Variants in CLUAP1 observed in about 807,000 individuals in gnomAD.
CLUAP1 encodes clusterin-associated protein 1.
In CLUAP1, 50 loss-of-function variants were observed where a neutral mutation model predicts 55.0. The ratio of observed to expected loss-of-function variants is 0.91; its 90% CI spans 0.72 to 1.15. The LOEUF is 1.15. Ranked by LOEUF, CLUAP1 falls within the 50% of genes most tolerant of loss-of-function variation. The pLI is 0.00. For missense variants in CLUAP1, 530 were observed against 507.6 expected (o/e 1.04, Z -0.42); for synonymous variants, 195 against 175.4 (o/e 1.11, Z -0.88).
At chr16:3,500,907 G>A (rs1345928864), upstream of CLUAP1, 2 of 739,760 alleles carry the variant, frequency 2.7e-6, no homozygotes, top group African/African-American at 3.5e-5. Context: ...CTCTCCCCGT[G>A]CGTATGCACG....
rs955867746 is a variant in CLUAP1 at position 3,538,336 on chromosome 16, A to G, written c.*2065A>G. The G allele has an allele frequency of 6.6e-6, 1 of 150,854 alleles. No homozygotes were observed. The highest frequency in any genetic ancestry group is 1.5e-5 in the Non-Finnish European group (1 of 67,794). The allele number at this position is 150,854 out of a possible 1,614,324, so 9.3% of individuals were successfully genotyped here. A position where few individuals can be genotyped will look rare whatever the true frequency, so the allele number is the denominator to read the frequency against. On this transcript the variant is annotated 3_prime_UTR_variant, in exon 12 of 12. Coordinates refer to ENST00000576634, the MANE Select transcript of CLUAP1 (RefSeq NM_015041.3). ...TACCCCTAAAAAAAAAAAAACAGCC[A>G]GTATTCAGTGAATTCACCAGTAATT...
intron 3 of CLUAP1, among the ~76,000 whole-genome samples, chr16:3,507,284 T>G (rs1463928902): frequency 6.6e-6 from 1 of 151,284 alleles, no homozygotes; most frequent in Non-Finnish European, 1.5e-5. Flanking sequence ...TGGGCGTGGT[T>G]GTTCATGCCT....
chr16:3,515,173 T>C (rs1370818177), intron 5 of CLUAP1, among the ~76,000 whole-genome samples: 1 of 150,264 alleles, frequency 6.7e-6, no homozygotes, highest in Non-Finnish European at 1.5e-5. Context: ...TTGAGCAACA[T>C]AGTGAGACCC....
intron 11 of CLUAP1, chr16:3,534,522 GCTGATGATCC>G (rs1429409052): frequency 1.3e-5 from 2 of 152,442 alleles, no homozygotes; most frequent in African/African-American, 4.8e-5. Context: ...AGGGTCAAGA[GCTGATGATCC>G]CTGTTTGAGA....
In CLUAP1 at chr16:3,529,616, ATATTATATATTATATATTAT is replaced by A. The variant is rs1417905633; in HGVS notation, c.929-948_929-929del. On this transcript the variant is annotated intron_variant, in intron 9 of 11. Transcript: ENST00000576634. ...ATTATTATATATTATATATTATATA[ATATTATATATTATATATTAT>A]TATATATTATATATTATTATATATT... Among the ~76,000 whole-genome samples the A allele has an allele frequency of 0.011, 203 of 17,768 alleles. 12 individuals carry two copies. In the East Asian group the frequency reaches 0.15, roughly 13 times the overall value. 11.7% of individuals were successfully genotyped at this position (17,768 alleles called of 152,430 possible).
At chr16:3,518,918 G>A (rs774857015) in intron 6 of CLUAP1, among the ~76,000 whole-genome samples, 1 of 152,136 alleles carries the variant, frequency 6.6e-6, no homozygotes, top group African/African-American at 2.4e-5. Context: ...TAACCCCTTC[G>A]TGGGATGCTA....
intron 5 of CLUAP1, among the ~76,000 whole-genome samples, chr16:3,515,058 C>G (rs1298841004): frequency 2.0e-5 from 3 of 152,018 alleles, no homozygotes; most frequent in Admixed American, 6.6e-5. Flanking sequence ...GTCACCTGGA[C>G]AGAATGCAGG....
chr16:3,508,566 C>T, intron 4 of CLUAP1, 98 bp downstream of exon 4: 1 of 1,157,920 alleles, frequency 8.6e-7, no homozygotes, highest in Non-Finnish European at 1.2e-6. Flanking sequence ...TTTTCTTCCT[C>T]CTCAGCTGAG....
chr16:3,497,863 C>T (rs1276097866), upstream of CLUAP1, among the ~76,000 whole-genome samples: 3 of 151,496 alleles, frequency 2.0e-5, no homozygotes, highest in Non-Finnish European at 4.4e-5. Context: ...ACCATGTTGC[C>T]CAGAGCTAGT....
chr16:3,515,195 A>T (rs911341839), intron 5 of CLUAP1, among the ~76,000 whole-genome samples: 1 of 131,570 alleles, frequency 7.6e-6, no homozygotes, highest in African/African-American at 3.3e-5. Context: ...ATCTCTATTT[A>T]AAAAAAAAAA....
At chr16:3,535,865 C>T (rs2038220669) in intron 11 of CLUAP1, 2 of 477,178 alleles carry the variant, frequency 4.2e-6, no homozygotes, top group Admixed American at 3.7e-5. Flanking sequence ...TTCTTAGACG[C>T]TGCGGGAAAG....
In CLUAP1 at chr16:3,515,180, A is replaced by T. The variant is rs936784005; in HGVS notation, c.496-328A>T. On this transcript the variant is annotated intron_variant, in intron 5 of 11. Transcript: ENST00000576634. The stretch of plus-strand genomic sequence containing the variant: ...CTAGGAGTTTGAGCAACATAGTGAG[A>T]CCCTATCTCTATTTAAAAAAAAAAA... Among the ~76,000 whole-genome samples the T allele has an allele frequency of 5.6e-4, 85 of 151,340 alleles. 1 individual carries two copies. The highest frequency in any genetic ancestry group is 8.2e-4 in the Non-Finnish European group (56 of 67,936).
chr16:3,501,127 C>T, intron 1 of CLUAP1, 38 bp downstream of exon 1: 3 of 1,568,138 alleles, frequency 1.9e-6, no homozygotes, highest in Non-Finnish European at 2.6e-6. Context: ...TGCGGGTCTT[C>T]CAGAGATTCA....
chr16:3,530,850 C>T (rs1356460563), intron 10 of CLUAP1, among the ~76,000 whole-genome samples, 175 bp downstream of exon 10: 1 of 152,118 alleles, frequency 6.6e-6, no homozygotes, highest in Non-Finnish European at 1.5e-5. Flanking sequence ...TTGAACTGCT[C>T]AGTGGTCATG....
chr16:3,522,555 A>C (rs1417489558), intron 7 of CLUAP1, among the ~76,000 whole-genome samples: 20 of 152,002 alleles, frequency 1.3e-4, no homozygotes, highest in Admixed American at 1.3e-3. Context: ...TTGCCTTTAG[A>C]GATGGGGTCT....
rs768775563 is a variant in CLUAP1, at chr16:3,526,422, A to G, written c.866A>G (p.Asn289Ser). 2 of 1,605,122 alleles carry G rather than the reference A, an allele frequency of 1.2e-6. No homozygotes were observed. Among genetic ancestry groups the G allele is most frequent in the East Asian group, 2.2e-5 (1 of 44,590 alleles). The change falls in exon 9 of 12, where the codon AAC (asparagine) becomes AGC (serine). Residue 289 changes from asparagine to serine, a missense_variant. Transcript: ENST00000576634. The stretch of plus-strand genomic sequence containing the variant: ...TTTCCTCTTCCACAGGAAGCTAAAA[A>G]CACTCTCTGCCTGATACAGAACAAG... Reference protein sequence around the residue: ...MEQERFEEAKNTLCLIQNKLK... With the variant: ...MEQERFEEAKSTLCLIQNKLK...
At chr16:3,524,621 A>T (rs1159503497) in intron 8 of CLUAP1, among the ~76,000 whole-genome samples, 1 of 150,050 alleles carries the variant, frequency 6.7e-6, no homozygotes, top group Non-Finnish European at 1.5e-5. Context: ...AAAAAAAAAA[A>T]GAAAGAGATT....
chr16:3,532,306 G>A (rs944118625), intron 10 of CLUAP1, among the ~76,000 whole-genome samples: 1 of 150,298 alleles, frequency 6.7e-6, no homozygotes, highest in African/African-American at 2.5e-5. Flanking sequence ...TAGGTCAAAG[G>A]TTCCATAAAT....
intron 3 of CLUAP1, among the ~76,000 whole-genome samples, chr16:3,507,680 TTGTGTGTGTG>T (rs61672090): frequency 0.011 from 1,574 of 143,076 alleles, 33 homozygotes; most frequent in African/African-American, 0.036. Flanking sequence ...CTTCCAGAGT[TTGTGTGTGTG>T]TGTGTGTGTG....
Sources: allele counts gnomAD v4.1 joint callset (sites outside exome capture counted in the v4.1 genomes callset), GRCh38; gene constraint gnomAD v4.1.1; transcripts MANE v1.5; gene names NCBI Gene and HGNC (gene_info 2026-07-23, HGNC 2026-07-21).